THSD7B: variants seen among roughly 807,000 people sequenced by gnomAD.
THSD7B encodes thrombospondin type 1 domain containing 7B.
Under a neutral mutation model 213.6 loss-of-function variants are expected in THSD7B, and 138 were observed. That is an observed-to-expected ratio of 0.65 (90% confidence interval 0.56 to 0.74). The LOEUF (loss-of-function observed/expected upper bound fraction) is 0.74. THSD7B is among the 30% of genes least tolerant of loss of function. The pLI is 0.00. For synonymous variants in THSD7B, 742 were observed against 687.0 expected, an observed-to-expected ratio of 1.08 and a Z score of -1.25; for missense variants, 1,931 against 1,991.5, an observed-to-expected ratio of 0.97 and a Z score of 0.58.
At chr2:137,308,276 T>C (rs370684104) in intron 12 of THSD7B, among the ~76,000 whole-genome samples, 2 of 152,038 alleles carry the variant, frequency 1.3e-5, no homozygotes, top group Non-Finnish European at 2.9e-5. Flanking sequence ...GGAGCAGGCC[T>C]GTTCAGTGTG....
chr2:137,555,271 A>T (rs1056088615), intron 15 of THSD7B, among the ~76,000 whole-genome samples: 1 of 152,220 alleles, frequency 6.6e-6, no homozygotes, highest in Non-Finnish European at 1.5e-5. Context: ...ACCCCCGAGT[A>T]GCCTATCTGG....
intron 2 of THSD7B, among the ~76,000 whole-genome samples, chr2:136,930,730 G>T (rs1184158274): frequency 6.6e-6 from 1 of 152,184 alleles, no homozygotes; most frequent in Non-Finnish European, 1.5e-5. Context: ...CAGTCTTTGT[G>T]TCTGCTCAGA....
At chr2:137,480,362 A>G (rs1257403166) in intron 15 of THSD7B, among the ~76,000 whole-genome samples, 1 of 152,236 alleles carries the variant, frequency 6.6e-6, no homozygotes, top group Non-Finnish European at 1.5e-5. Context: ...AATCATGGCT[A>G]TTATTTCAAT....
intron 17 of THSD7B, among the ~76,000 whole-genome samples, chr2:137,573,235 C>T (rs1324065429): frequency 6.6e-6 from 1 of 151,618 alleles, no homozygotes; most frequent in East Asian, 1.9e-4. Context: ...AAAGTAAACA[C>T]TGAAAAAAAT....
intron 2 of THSD7B, among the ~76,000 whole-genome samples, chr2:136,943,977 G>T (rs555238607): frequency 6.6e-6 from 1 of 152,172 alleles, no homozygotes; most frequent in East Asian, 1.9e-4. Flanking sequence ...TGATGTTAGG[G>T]TGTCAATTTT....
chr2:137,158,669 AT>A (rs768930587), intron 5 of THSD7B, among the ~76,000 whole-genome samples: 1 of 151,978 alleles, frequency 6.6e-6, no homozygotes, highest in Non-Finnish European at 1.5e-5. Flanking sequence ...TCATGATGGT[AT>A]TTTTTTATTT....
In THSD7B at chr2:137,655,583, G is replaced by A. The variant is rs6430735; in HGVS notation, c.4028G>A (p.Arg1343His). Reference protein sequence around the residue: ...HSGSISHAAGRVEDALCGEMP... With the variant: ...HSGSISHAAGHVEDALCGEMP... ...GGTTCAATATCTCATGCAGCTGGACGTGTCGAGGATGCACTGTGTGGAGAA... is the reference window on the plus strand; with the variant it reads ...GGTTCAATATCTCATGCAGCTGGACATGTCGAGGATGCACTGTGTGGAGAA... The change falls in exon 22 of 28, where the codon CGT (arginine) becomes CAT (histidine). Residue 1343 changes from arginine to histidine, a missense_variant. Physicochemically the swap from Arg to His is conservative, Grantham distance 29. Transcript: ENST00000409968. 2.1e-3 allele frequency: 3,404 copies of A among 1,612,850 alleles called. 57 individuals carry two copies. In the African/African-American group the frequency reaches 0.035, roughly 17 times the overall value.
chr2:137,348,292 T>C (rs1219864759), intron 12 of THSD7B, among the ~76,000 whole-genome samples: 1 of 151,730 alleles, frequency 6.6e-6, no homozygotes, highest in Non-Finnish European at 1.5e-5. Context: ...TAAAAAGCAA[T>C]TGTTTGCAAC....
chr2:136,816,530 G>T (rs1287297696), intron 1 of THSD7B, among the ~76,000 whole-genome samples: 1 of 152,138 alleles, frequency 6.6e-6, no homozygotes, highest in Non-Finnish European at 1.5e-5. Context: ...TGTTCTTGAA[G>T]TTTTTGAGTT....
chr2:136,944,192 T>A (rs529856659), intron 2 of THSD7B, among the ~76,000 whole-genome samples: 2 of 152,220 alleles, frequency 1.3e-5, no homozygotes, highest in Non-Finnish European at 2.9e-5. Flanking sequence ...TTGTGCTGTT[T>A]TGAGTGAGTT....
Position 137,095,122 on chromosome 2 carries a change from G to C in THSD7B, c.1199+1G>C. On this transcript the variant is annotated splice_donor_variant, in intron 4 of 27. Coordinates refer to ENST00000409968, the MANE Select transcript of THSD7B (RefSeq NM_001316349.2). LOFTEE classifies it high-confidence loss of function. ...GAGAACTTCTGCAGCAATGTCCCAG[G>C]TATTACGCCTTTATGCCTTCTTTAG... 2 of 1,613,376 alleles carry C rather than the reference G, an allele frequency of 1.2e-6. No homozygotes were observed. The highest frequency in any genetic ancestry group is 1.7e-6 in the Non-Finnish European group (2 of 1,179,494).
intron 1 of THSD7B, among the ~76,000 whole-genome samples, chr2:136,786,788 T>C (rs16836672): frequency 0.047 from 7,117 of 152,284 alleles, 559 homozygotes; most frequent in African/African-American, 0.16. Context: ...TAGGCTTGTT[T>C]TGGCATTACA....
chr2:137,632,914 G>A (rs1249271012), intron 20 of THSD7B, among the ~76,000 whole-genome samples: 3 of 152,108 alleles, frequency 2.0e-5, no homozygotes, highest in African/African-American at 7.2e-5. Context: ...TCTTCTCTAG[G>A]ATAAAAGGGT....
Position 137,623,063 on chromosome 2 carries a change from G to A in THSD7B, c.3799+2337G>A, listed in dbSNP as rs1004665224. Among the ~76,000 whole-genome samples the A allele has an allele frequency of 4.6e-5, 7 of 152,122 alleles. No homozygotes were observed. The South Asian group carries it at 8.3e-4, about 18-fold the overall frequency. On this transcript the variant is annotated intron_variant, in intron 20 of 27. Transcript: ENST00000409968. ...TAGACCAATATCCTTGATGAACATC[G>A]ATGCAAAAATCCTCAATAAAATACT...
chr2:136,815,297 G>A (rs1312810503), intron 1 of THSD7B, among the ~76,000 whole-genome samples: 1 of 152,218 alleles, frequency 6.6e-6, no homozygotes, highest in Admixed American at 6.5e-5. Flanking sequence ...GAGTAGGTCA[G>A]TCAGGCAAAA....
chr2:137,620,560 A>G, intron 19 of THSD7B, 49 bp from the exon 20 acceptor site: 1 of 1,442,886 alleles, frequency 6.9e-7, no homozygotes, highest in Non-Finnish European at 9.7e-7. Flanking sequence ...CAGTGATTTG[A>G]CTAAAGAGTG....
intron 7 of THSD7B, among the ~76,000 whole-genome samples, chr2:137,185,779 T>C (rs1238755414): frequency 6.6e-6 from 1 of 152,192 alleles, no homozygotes; most frequent in Non-Finnish European, 1.5e-5. Flanking sequence ...CAGGGTTGAA[T>C]TGTGTTTCTG....
chr2:136,980,384 C>T (rs1005923996), intron 2 of THSD7B, among the ~76,000 whole-genome samples: 1 of 152,172 alleles, frequency 6.6e-6, no homozygotes, highest in Non-Finnish European at 1.5e-5. Flanking sequence ...GTGGCCACCC[C>T]CTCCCAACAG....
intron 15 of THSD7B, among the ~76,000 whole-genome samples, chr2:137,534,800 T>C (rs759123475): frequency 2.6e-5 from 4 of 151,766 alleles, no homozygotes; most frequent in African/African-American, 4.8e-5. Flanking sequence ...ATATCTCTCA[T>C]ATAAAAGCTA....
Sources: allele counts gnomAD v4.1 joint callset (sites outside exome capture counted in the v4.1 genomes callset), GRCh38; gene constraint gnomAD v4.1.1; transcripts MANE v1.5; gene names NCBI Gene and HGNC (gene_info 2026-07-23, HGNC 2026-07-21).